The following NUP210 variants were observed in gnomAD, a reference collection of about 807,000 sequenced individuals.
The protein encoded by NUP210 is nuclear pore membrane glycoprotein 210.
A neutral mutation model predicts 196.0 loss-of-function variants in NUP210; 151 were observed. That is an observed-to-expected ratio of 0.77 (90% CI 0.67 to 0.88). The LOEUF (loss-of-function observed/expected upper bound fraction) is 0.88, where lower values mean the gene tolerates loss of function less well. Among genes scored for constraint, NUP210 ranks in the 40% least tolerant of loss-of-function variants. The probability of loss-of-function intolerance (pLI) is 0.00; values close to 1 mark genes in which losing one functional copy is unlikely to be tolerated. For synonymous variants in NUP210, 1,070 were observed against 1,052.7 expected (o/e 1.02, Z -0.32); for missense variants, 2,314 against 2,493.7 (o/e 0.93, Z 1.53).
At chr3:13,366,666 C>A (rs1187800947) in intron 13 of NUP210, among the ~76,000 whole-genome samples, 1 of 150,578 alleles carries the variant, frequency 6.6e-6, no homozygotes, top group Non-Finnish European at 1.5e-5. Context: ...TAGAGGCATG[C>A]GCCACCACGC....
Position 13,365,946 on chromosome 3 carries a change from CT to C in NUP210, c.1931del (p.Lys644ArgfsTer11). 1 of 1,614,038 alleles carries C rather than the reference CT, an allele frequency of 6.2e-7. No homozygotes were observed. The highest frequency in any genetic ancestry group is 8.5e-7 in the Non-Finnish European group (1 of 1,179,896). ...GTAAAGGGCAGGGCCCCTGGCTCAC[CT>C]TGAGGGGCAGGTAGGCAGCAATGGT... ...KITIAAYLPL[K>X]AVDPSSVALV... On this transcript the variant is annotated frameshift_variant and splice_region_variant, in exon 14 of 40. Transcript: ENST00000254508. LOFTEE classifies it high-confidence loss of function.
In NUP210 at chr3:13,342,150, G is replaced by T. The variant is rs142129326; in HGVS notation, c.2965-27C>A. 6.9e-3 allele frequency: 11,087 copies of T among 1,613,142 alleles called. 46 individuals carry two copies. Among genetic ancestry groups the T allele is most frequent in the Non-Finnish European group, 7.8e-3 (9,249 of 1,179,522 alleles). ...TGCATCATGGGGACAGAGGTTCAGG[G>T]GCAGCCTCCAAAAGACCAATCCTAC... On this transcript the variant is annotated intron_variant, in intron 21 of 39. Coordinates refer to ENST00000254508, the MANE Select transcript of NUP210 (RefSeq NM_024923.4).
Position 13,379,204 on chromosome 3 carries a change from T to A in NUP210, c.977-224A>T, listed in dbSNP as rs550722911. Among the ~76,000 whole-genome samples the A allele has an allele frequency of 1.1e-4, 16 of 152,190 alleles. No homozygotes were observed. ...AAAGGGGAATCTCTGTGAGGGACAC[T>A]GGAGACCGCACAGGACACAACAACA... On this transcript the variant is annotated intron_variant, in intron 7 of 39. Transcript: ENST00000254508. This position sits in a 1 kb window ranked among gnomAD's most constrained non-coding sequence, Gnocchi z 4.2.
At chr3:13,368,864 C>T (rs556763016) in intron 13 of NUP210, among the ~76,000 whole-genome samples, 2 of 152,316 alleles carry the variant, frequency 1.3e-5, no homozygotes, top group African/African-American at 4.8e-5. Flanking sequence ...CACCTTTTGG[C>T]TATTGTGAAT....
Position 13,347,446 on chromosome 3 carries a change from C to T in NUP210, c.2836-4143G>A. 1.8e-6 allele frequency: 1 copy of T among 558,462 alleles called. No individual in the cohort carries two copies. Among genetic ancestry groups the T allele is most frequent in the Non-Finnish European group, 2.3e-6 (1 of 439,896 alleles). 34.6% of individuals were successfully genotyped at this position (558,462 alleles called of 1,614,324 possible). A position where few individuals can be genotyped will look rare whatever the true frequency, so the allele number is the denominator to read the frequency against. On this transcript the variant is annotated intron_variant, in intron 20 of 39. Coordinates refer to ENST00000254508, the MANE Select transcript of NUP210 (RefSeq NM_024923.4). This position sits in a 1 kb window ranked among gnomAD's most constrained non-coding sequence, Gnocchi z 4.7. Reference sequence around the variant, plus strand: ...CGGATAAACACTCCTATGTGCAAACCAGCCGAAAACAAAATAAAGGCCCTT... The same window carrying T: ...CGGATAAACACTCCTATGTGCAAACTAGCCGAAAACAAAATAAAGGCCCTT...
At position 13,397,360 on chromosome 3, in the gene NUP210, C is replaced by T. The variant is rs1380145119; in HGVS notation, c.433G>A (p.Glu145Lys). ...LELKIQALDS[E>K]GNTFSTLAGL... ...AACAGGCAGGGGACGTTCTCACCTT[C>T]GGAGTCCAGGGCCTGGATCTTCAGC... Residue 145 changes from glutamate (E) to lysine (K), a missense_variant, in exon 3 of 40, where the codon GAA becomes AAA. Coordinates refer to ENST00000254508, the MANE Select transcript of NUP210 (RefSeq NM_024923.4). 7 of 1,609,346 alleles carry T rather than the reference C, an allele frequency of 4.3e-6. No homozygotes were observed. Among genetic ancestry groups the T allele is most frequent in the Non-Finnish European group, 4.2e-6 (5 of 1,178,414 alleles).
intron 13 of NUP210, among the ~76,000 whole-genome samples, chr3:13,371,100 C>A (rs1698715398): frequency 6.6e-6 from 1 of 152,250 alleles, no homozygotes; most frequent in Admixed American, 6.5e-5. Flanking sequence ...GTTCACCTGT[C>A]CTTTGGTCTT....
intron 12 of NUP210, among the ~76,000 whole-genome samples, chr3:13,372,582 T>C (rs1034884769): frequency 6.6e-6 from 1 of 152,082 alleles, no homozygotes; most frequent in Non-Finnish European, 1.5e-5. Context: ...CAGTGAGATG[T>C]GGGATGTGTT....
chr3:13,338,511 A>C (rs1459397989), intron 25 of NUP210, among the ~76,000 whole-genome samples: 3 of 152,334 alleles, frequency 2.0e-5, no homozygotes, highest in South Asian at 4.1e-4. Flanking sequence ...CTTGAGGCTC[A>C]TGACTTGGGC....
chr3:13,412,085 A>C (rs1700191629), intron 1 of NUP210, among the ~76,000 whole-genome samples: 1 of 143,412 alleles, frequency 7.0e-6, no homozygotes, highest in East Asian at 2.1e-4. Context: ...ACAGGCTCTC[A>C]CTCTGTTGCC....
chr3:13,327,263 C>G lies in NUP210; in HGVS notation c.4461G>C (p.Val1487=), dbSNP rs749357253. The change falls in exon 32 of 40, where the codon GTG becomes GTC. Residue 1487 remains valine (V), a synonymous_variant. Coordinates refer to ENST00000254508, the MANE Select transcript of NUP210 (RefSeq NM_024923.4). ...AISPELSGAM[V]VGDVLCLATV... ...TGGCCAGACAGAGCACGTCCCCCACCACCATGGCCCCAGACAGCTCTGGGG... is the reference window on the plus strand; with the variant it reads ...TGGCCAGACAGAGCACGTCCCCCACGACCATGGCCCCAGACAGCTCTGGGG... 7 of 1,613,496 alleles carry G rather than the reference C, an allele frequency of 4.3e-6. No homozygotes were observed. The highest frequency in any genetic ancestry group is 1.3e-5 in the African/African-American group (1 of 75,060).
At position 13,373,419 on chromosome 3, in the gene NUP210, GA is replaced by G. The variant is rs556450281; in HGVS notation, c.1587+298del. ...CAGTGCTTGGTGGACCTTCCAAATGGAGATTACTATCTTTCAGGTCTGGGGA... is the reference window on the plus strand; with the variant it reads ...CAGTGCTTGGTGGACCTTCCAAATGGGATTACTATCTTTCAGGTCTGGGGA... On this transcript the variant is annotated intron_variant, in intron 12 of 39. Transcript: ENST00000254508. 9.8e-4 allele frequency among the ~76,000 whole-genome samples: 149 copies of G among 152,318 alleles called. No homozygotes were observed. The South Asian group carries it at 0.014, about 14-fold the overall frequency.
chr3:13,385,093 G>A (rs999284204), intron 6 of NUP210, among the ~76,000 whole-genome samples: 11 of 152,190 alleles, frequency 7.2e-5, no homozygotes, highest in Non-Finnish European at 1.5e-4. Context: ...AAAGGCAGGA[G>A]CGCCTGTCTT....
chr3:13,376,160 G>C (rs1481529205), intron 10 of NUP210, 131 bp downstream of exon 10: 2 of 855,218 alleles, frequency 2.3e-6, no homozygotes, highest in African/African-American at 1.7e-5. Context: ...CAGGATGCAA[G>C]TAGCCCAAAC....
At chr3:13,375,754 G>C in intron 10 of NUP210, 113 bp from the exon 11 acceptor site, 1 of 1,165,240 alleles carries the variant, frequency 8.6e-7, no homozygotes, top group Non-Finnish European at 1.2e-6. Flanking sequence ...GGTGGATTTG[G>C]GGGAAGAGTG....
chr3:13,359,457 C>A (rs1698296717), intron 15 of NUP210, among the ~76,000 whole-genome samples: 1 of 152,192 alleles, frequency 6.6e-6, no homozygotes, highest in Admixed American at 6.5e-5. Flanking sequence ...CATACCAGGG[C>A]AGCTGTGGCA....
chr3:13,397,660 C>T (rs559816736), intron 2 of NUP210, among the ~76,000 whole-genome samples, 172 bp from the exon 3 acceptor site: 14 of 152,300 alleles, frequency 9.2e-5, no homozygotes, highest in African/African-American at 3.1e-4. Context: ...CAGGGACTAC[C>T]AGAAAGAAAG....
intron 26 of NUP210, 134 bp downstream of exon 26, chr3:13,337,703 G>A: frequency 1.3e-6 from 1 of 768,634 alleles, no homozygotes; most frequent in East Asian, 2.7e-5. Context: ...CCCTGGGTGG[G>A]GACAGGTGGG....
chr3:13,341,684 TAAAG>T, intron 23 of NUP210, 60 bp downstream of exon 23: 1 of 1,580,236 alleles, frequency 6.3e-7, no homozygotes, highest in Admixed American at 1.7e-5. Context: ...GACTGTACTA[TAAAG>T]ACACTCCCAA....
Sources: gnomAD v4.1 joint callset for allele counts (sites outside exome capture counted in the v4.1 genomes callset) on GRCh38, gnomAD v4.1.1 for gene constraint, Gnocchi (gnomAD v3.1) non-coding constraint, MANE v1.5 for transcripts, NCBI Gene and HGNC (gene_info 2026-07-23, HGNC 2026-07-21) for gene names.